EEPD1: variants seen among roughly 807,000 people sequenced by gnomAD.
EEPD1 encodes the protein endonuclease/exonuclease/phosphatase family domain containing 1, also known as endonuclease/exonuclease/phosphatase family domain-containing protein 1.
A neutral mutation model predicts 46.3 loss-of-function variants in EEPD1; 17 were observed. The ratio of observed to expected loss-of-function variants is 0.37; its 90% CI spans 0.25 to 0.55. The LOEUF (loss-of-function observed/expected upper bound fraction) is 0.55. Among genes scored for constraint, EEPD1 ranks in the 20% least tolerant of loss-of-function variants. The probability of loss-of-function intolerance (pLI) is 0.83; values close to 1 mark genes in which losing one functional copy is unlikely to be tolerated. For synonymous variants in EEPD1, 313 were observed against 315.6 expected, an observed-to-expected ratio of 0.99 and a Z score of 0.09; for missense variants, 673 against 745.6, an observed-to-expected ratio of 0.90 and a Z score of 1.13.
chr7:36,228,936 C>T (rs1157087173), intron 2 of EEPD1: 2 of 152,264 alleles, frequency 1.3e-5, no homozygotes, highest in Non-Finnish European at 2.9e-5. Flanking sequence ...TGCCCCTGGC[C>T]TCCGGGCCCT....
At chr7:36,215,393 G>A (rs1432544675) in intron 2 of EEPD1, among the ~76,000 whole-genome samples, 1 of 152,242 alleles carries the variant, frequency 6.6e-6, no homozygotes, top group African/African-American at 2.4e-5. Context: ...GCAGCTCTCA[G>A]TATGGACATC....
intron 2 of EEPD1, among the ~76,000 whole-genome samples, chr7:36,235,572 A>ACTGG (rs1453007463): frequency 6.6e-6 from 1 of 152,190 alleles, no homozygotes; most frequent in Non-Finnish European, 1.5e-5. Context: ...CATATTCTGG[A>ACTGG]CTGGCTGTGA....
In EEPD1 at chr7:36,153,657, C is replaced by T. The variant is rs142018965; in HGVS notation, c.-210C>T. On this transcript the variant is annotated 5_prime_UTR_variant, in exon 1 of 8. Coordinates refer to ENST00000242108, the MANE Select transcript of EEPD1 (RefSeq NM_030636.3). ...CGCAGGTGGAAGAGGAACCGGCGCC[C>T]CGCAGAGCGGCCGAGAGGTGGGGCG... The T allele has an allele frequency of 1.5e-3, 228 of 152,734 alleles. No homozygotes were observed. The highest frequency in any genetic ancestry group is 7.0e-3 in the South Asian group (34 of 4,842). 9.5% of individuals were successfully genotyped at this position (152,734 alleles called of 1,614,324 possible). A position where few individuals can be genotyped will look rare whatever the true frequency, so the allele number is the denominator to read the frequency against.
chr7:36,296,694 CTT>C (rs60706978), intron 6 of EEPD1, among the ~76,000 whole-genome samples: 106 of 83,118 alleles, frequency 1.3e-3, no homozygotes, highest in African/African-American at 4.3e-3. Context: ...ACCCTTAGGT[CTT>C]TTTTTTTTTT....
At chr7:36,192,436 C>T (rs953644078) in intron 2 of EEPD1, among the ~76,000 whole-genome samples, 1 of 152,112 alleles carries the variant, frequency 6.6e-6, no homozygotes, top group African/African-American at 2.4e-5. Flanking sequence ...CTGGGGAAGA[C>T]ACCTTTCTTT....
chr7:36,295,895 G>A (rs139171071), intron 6 of EEPD1, among the ~76,000 whole-genome samples: 9,474 of 152,030 alleles, frequency 0.062, 1,006 homozygotes, highest in African/African-American at 0.22. Context: ...GCAAGGCGTG[G>A]TGGTGGGTGC....
intron 2 of EEPD1, among the ~76,000 whole-genome samples, chr7:36,165,894 A>AG (rs1784975430): frequency 6.6e-6 from 1 of 152,220 alleles, no homozygotes; most frequent in Non-Finnish European, 1.5e-5. Context: ...AGAAATAAAA[A>AG]CAATGAAGTC....
At chr7:36,198,324 G>GA (rs1192041161) in intron 2 of EEPD1, among the ~76,000 whole-genome samples, 571 of 25,216 alleles carry the variant, frequency 0.023, 6 homozygotes, top group African/African-American at 0.068. Flanking sequence ...CTGGTCTTAA[G>GA]AAAAAAAAAA....
At chr7:36,268,533 C>G (rs1252628414) in intron 3 of EEPD1, among the ~76,000 whole-genome samples, 1 of 152,182 alleles carries the variant, frequency 6.6e-6, no homozygotes, top group Non-Finnish European at 1.5e-5. Context: ...CACAGCTTCC[C>G]GTCCCTCTAT....
At chr7:36,254,321 C>A (rs1352945599) in intron 3 of EEPD1, among the ~76,000 whole-genome samples, 4 of 152,122 alleles carry the variant, frequency 2.6e-5, no homozygotes, top group Admixed American at 2.6e-4. Context: ...ATGTTCCCCT[C>A]CCTGCGTCCA....
intron 2 of EEPD1, 23 bp downstream of exon 2, chr7:36,155,225 G>T (rs1724275356): frequency 6.7e-7 from 1 of 1,502,624 alleles, no homozygotes; most frequent in African/African-American, 1.4e-5. Flanking sequence ...ACCACCATGG[G>T]TGTTGGGTGT....
chr7:36,173,237 C>G (rs1425049797), intron 2 of EEPD1, among the ~76,000 whole-genome samples: 1 of 150,740 alleles, frequency 6.6e-6, no homozygotes, highest in East Asian at 2.0e-4. Flanking sequence ...TGTTTGGCTC[C>G]CAGCACTTTG....
intron 2 of EEPD1, among the ~76,000 whole-genome samples, chr7:36,166,373 T>C (rs192260962): frequency 1.3e-5 from 2 of 152,314 alleles, no homozygotes; most frequent in Admixed American, 6.5e-5. Flanking sequence ...ATTAAAAGCA[T>C]TTGAAATTAC....
At chr7:36,173,442 T>C (rs1785125454) in intron 2 of EEPD1, among the ~76,000 whole-genome samples, 3 of 150,176 alleles carry the variant, frequency 2.0e-5, no homozygotes, top group South Asian at 4.2e-4. Flanking sequence ...GAGGTTGCAG[T>C]GAGCTGAGAT....
intron 3 of EEPD1, among the ~76,000 whole-genome samples, chr7:36,243,461 GA>G (rs1241626207): frequency 6.6e-6 from 1 of 152,144 alleles, no homozygotes; most frequent in East Asian, 1.9e-4. Context: ...GGCTTAGTTA[GA>G]CACACATTCT....
At chr7:36,249,927 A>C (rs1786707662) in intron 3 of EEPD1, among the ~76,000 whole-genome samples, 2 of 152,238 alleles carry the variant, frequency 1.3e-5, no homozygotes, top group South Asian at 2.1e-4. Context: ...GATATCAAAA[A>C]AATATTTAAG....
At chr7:36,295,863 T>A (rs1182749907) in intron 6 of EEPD1, among the ~76,000 whole-genome samples, 1 of 151,892 alleles carries the variant, frequency 6.6e-6, no homozygotes, top group African/African-American at 2.4e-5. Flanking sequence ...AAGCCCTGTC[T>A]CTACTAAAAA....
At chr7:36,250,225 A>G (rs1786712793) in intron 3 of EEPD1, among the ~76,000 whole-genome samples, 1 of 152,244 alleles carries the variant, frequency 6.6e-6, no homozygotes, top group Non-Finnish European at 1.5e-5. Context: ...CTGCCTCAAA[A>G]GAAAAAAAAA....
chr7:36,297,443 C>T (rs976400302), intron 7 of EEPD1, among the ~76,000 whole-genome samples: 1 of 152,130 alleles, frequency 6.6e-6, no homozygotes, highest in Non-Finnish European at 1.5e-5. Context: ...TTCAAATATA[C>T]CTCCTGCTGC....
Sources: gnomAD v4.1 joint callset for allele counts (sites outside exome capture counted in the v4.1 genomes callset) on GRCh38, gnomAD v4.1.1 for gene constraint, MANE v1.5 for transcripts, NCBI Gene and HGNC (gene_info 2026-07-23, HGNC 2026-07-21) for gene names.